Variants in CCDC91 observed in about 807,000 individuals in gnomAD.
The protein encoded by CCDC91 is coiled-coil domain-containing protein 91.
A neutral mutation model predicts 63.2 loss-of-function variants in CCDC91; 48 were observed. The ratio of observed to expected loss-of-function variants is 0.76; its 90% CI spans 0.60 to 0.97. The LOEUF (loss-of-function observed/expected upper bound fraction) is 0.97. Ranked by LOEUF, CCDC91 falls within the 50% of genes least tolerant of loss-of-function variation. CCDC91 has a pLI of 0.00. For synonymous variants in CCDC91, 167 were observed against 165.8 expected, an observed-to-expected ratio of 1.01 and a Z score of -0.06; for missense variants, 500 against 494.6, an observed-to-expected ratio of 1.01 and a Z score of -0.10.
At chr12:28,256,966 C>T (rs2136167165) in intron 1 of CCDC91, 1 of 420,836 alleles carries the variant, frequency 2.4e-6, no homozygotes, top group Admixed American at 4.2e-5. Flanking sequence ...GAATATTTTT[C>T]CACTCCTGGC....
At chr12:28,442,424 G>A (rs1949274293) in intron 8 of CCDC91, among the ~76,000 whole-genome samples, 1 of 152,008 alleles carries the variant, frequency 6.6e-6, no homozygotes, top group African/African-American at 2.4e-5. Context: ...TGAATTCACA[G>A]TGTCATTATA....
chr12:28,214,804 C>T (rs1174983342), intron 1 of CCDC91, among the ~76,000 whole-genome samples: 1 of 152,074 alleles, frequency 6.6e-6, no homozygotes, highest in African/African-American at 2.4e-5. Flanking sequence ...AGTTGCATCA[C>T]GTTAGGTGGA....
intron 1 of CCDC91, among the ~76,000 whole-genome samples, chr12:28,200,121 T>C (rs1942099440): frequency 6.6e-6 from 1 of 152,096 alleles, no homozygotes; most frequent in South Asian, 2.1e-4. Context: ...ATGCTCTGTT[T>C]ATTTTTCTTC....
intron 8 of CCDC91, among the ~76,000 whole-genome samples, chr12:28,442,007 A>G (rs946752400): frequency 6.6e-5 from 10 of 151,996 alleles, no homozygotes; most frequent in African/African-American, 2.2e-4. Flanking sequence ...AGTGGGTGGC[A>G]TTACAGATGA....
At chr12:28,299,114 T>G (rs1169390718) in intron 3 of CCDC91, among the ~76,000 whole-genome samples, 1 of 151,618 alleles carries the variant, frequency 6.6e-6, no homozygotes, top group African/African-American at 2.4e-5. Flanking sequence ...GGAGACCAAG[T>G]TATTTTTCCT....
intron 8 of CCDC91, among the ~76,000 whole-genome samples, chr12:28,396,548 A>C (rs1404853470): frequency 6.6e-6 from 1 of 151,924 alleles, no homozygotes; most frequent in East Asian, 1.9e-4. Flanking sequence ...AAGAATAGAG[A>C]GATTTTGATG....
At chr12:28,419,290 C>T (rs1947862713) in intron 8 of CCDC91, among the ~76,000 whole-genome samples, 1 of 152,146 alleles carries the variant, frequency 6.6e-6, no homozygotes, top group Non-Finnish European at 1.5e-5. Context: ...TATTCTACCA[C>T]ATCTGTGTAG....
At chr12:28,313,152 C>G (rs1333875959) in intron 6 of CCDC91, among the ~76,000 whole-genome samples, 1 of 151,582 alleles carries the variant, frequency 6.6e-6, no homozygotes, top group Non-Finnish European at 1.5e-5. Flanking sequence ...GTCTGTGAAG[C>G]TTAATGAAAT....
intron 12 of CCDC91, among the ~76,000 whole-genome samples, chr12:28,484,575 T>TTAGCAAA: frequency 6.6e-6 from 1 of 152,298 alleles, no homozygotes; most frequent in African/African-American, 2.4e-5. Flanking sequence ...ATAATTACAG[T>TTAGCAAA]TAGCAAATTC....
intron 8 of CCDC91, among the ~76,000 whole-genome samples, chr12:28,417,389 G>T (rs967805298): frequency 1.3e-5 from 2 of 151,842 alleles, no homozygotes; most frequent in Admixed American, 6.6e-5. Flanking sequence ...AGATTTCCTC[G>T]TGCTCTTTGT....
At chr12:28,364,621 A>G (rs916867212) in intron 7 of CCDC91, among the ~76,000 whole-genome samples, 1 of 152,208 alleles carries the variant, frequency 6.6e-6, no homozygotes, top group Non-Finnish European at 1.5e-5. Context: ...TTCCATAACC[A>G]TGGATGAGAA....
intron 8 of CCDC91, among the ~76,000 whole-genome samples, chr12:28,402,566 C>A (rs1592564890): frequency 1.0e-5 from 1 of 96,614 alleles, no homozygotes. Flanking sequence ...GGATTTTCTA[C>A]ACAGACAATC....
At chr12:28,429,085 T>G (rs895218290) in intron 8 of CCDC91, among the ~76,000 whole-genome samples, 1 of 152,172 alleles carries the variant, frequency 6.6e-6, no homozygotes, top group Admixed American at 6.5e-5. Flanking sequence ...TGGTTGGTGT[T>G]GATGTCCAGC....
At chr12:28,355,531 G>A (rs1344937878) in intron 6 of CCDC91, among the ~76,000 whole-genome samples, 2 of 152,018 alleles carry the variant, frequency 1.3e-5, no homozygotes, top group East Asian at 3.9e-4. Context: ...TCATCTTCAG[G>A]GTGATGAATT....
At chr12:28,470,323 A>G (rs1308900373) in intron 11 of CCDC91, among the ~76,000 whole-genome samples, 3 of 152,186 alleles carry the variant, frequency 2.0e-5, no homozygotes. Flanking sequence ...ACAAAAACAC[A>G]TATGAAAAGA....
chr12:28,320,039 C>G (rs1454102954), intron 6 of CCDC91, among the ~76,000 whole-genome samples: 5 of 151,814 alleles, frequency 3.3e-5, no homozygotes, highest in Non-Finnish European at 1.5e-5. Flanking sequence ...TACATGACCT[C>G]TTTTGATCTA....
intron 8 of CCDC91, among the ~76,000 whole-genome samples, chr12:28,433,581 C>T (rs1948745054): frequency 6.6e-6 from 1 of 151,884 alleles, no homozygotes; most frequent in Admixed American, 6.6e-5. Context: ...GATTCATGTG[C>T]CAGTATCATA....
intron 3 of CCDC91, among the ~76,000 whole-genome samples, chr12:28,277,985 C>G (rs1441008304): frequency 3.3e-5 from 5 of 151,908 alleles, no homozygotes; most frequent in Non-Finnish European, 7.4e-5. Flanking sequence ...GCAATTTGTT[C>G]CTACTTCTGG....
chr12:28,201,173 A>C (rs1942272806), intron 1 of CCDC91, among the ~76,000 whole-genome samples: 1 of 143,312 alleles, frequency 7.0e-6, no homozygotes, highest in Non-Finnish European at 1.5e-5. Context: ...CTGGGCGGAG[A>C]CGCTCCTCAC....
Sources: allele counts gnomAD v4.1 joint callset (sites outside exome capture counted in the v4.1 genomes callset), GRCh38; gene constraint gnomAD v4.1.1; transcripts MANE v1.5; gene names NCBI Gene and HGNC (gene_info 2026-07-23, HGNC 2026-07-21).